XKR4: variants seen among roughly 807,000 people sequenced by gnomAD.
XKR4 encodes the protein XK-related protein 4.
XKR4 carries 12 observed loss-of-function variants against 53.9 expected under a neutral mutation model. That is an observed-to-expected ratio of 0.22 (90% confidence interval 0.14 to 0.36). XKR4 has a LOEUF of 0.36. XKR4 is among the 10% of genes least tolerant of loss of function. XKR4 has a pLI of 1.00. For missense variants in XKR4, 799 were observed against 859.5 expected (o/e 0.93, Z 0.88); for synonymous variants, 354 against 362.4 (o/e 0.98, Z 0.26).
At chr8:55,257,508 C>G (rs1818456381) in intron 1 of XKR4, among the ~76,000 whole-genome samples, 1 of 151,890 alleles carries the variant, frequency 6.6e-6, no homozygotes, top group Non-Finnish European at 1.5e-5. Context: ...AAAAAGAGTT[C>G]CTGCTCCTGG....
At chr8:55,115,115 G>A (rs1816288195) in intron 1 of XKR4, among the ~76,000 whole-genome samples, 1 of 152,106 alleles carries the variant, frequency 6.6e-6, no homozygotes, top group Non-Finnish European at 1.5e-5. Flanking sequence ...CTGCCAAATT[G>A]CCACCAGCAT....
At chr8:55,461,598 A>G (rs778567219) in intron 2 of XKR4, among the ~76,000 whole-genome samples, 3 of 152,262 alleles carry the variant, frequency 2.0e-5, no homozygotes, top group Non-Finnish European at 2.9e-5. Context: ...ACAGCTCCTC[A>G]CCAGCAACGG....
At chr8:55,415,181 C>T (rs992460655) in intron 2 of XKR4, among the ~76,000 whole-genome samples, 2 of 152,166 alleles carry the variant, frequency 1.3e-5, no homozygotes, top group Non-Finnish European at 2.9e-5. Context: ...ATAGGTACTG[C>T]CTTTTCAAAG....
chr8:55,186,114 C>T (rs1268645936), intron 1 of XKR4, among the ~76,000 whole-genome samples: 1 of 152,102 alleles, frequency 6.6e-6, no homozygotes, highest in African/African-American at 2.4e-5. Flanking sequence ...ATTCAGTTTT[C>T]CCACCCTTCT....
chr8:55,451,276 T>C (rs1805437734), intron 2 of XKR4: 5 of 585,426 alleles, frequency 8.5e-6, no homozygotes, highest in Non-Finnish European at 1.5e-5. Context: ...CTGCCCCCAC[T>C]TACCTCGGGG....
At chr8:55,452,367 C>T (rs753462402) in intron 2 of XKR4, 15 of 630,948 alleles carry the variant, frequency 2.4e-5, no homozygotes, top group African/African-American at 5.5e-5. Context: ...TGTGAGCATC[C>T]CCGTGAAGAT....
At chr8:55,220,385 T>G (rs1322180476) in intron 1 of XKR4, among the ~76,000 whole-genome samples, 2 of 152,212 alleles carry the variant, frequency 1.3e-5, no homozygotes, top group African/African-American at 4.8e-5. Context: ...TTTTGGACAC[T>G]AAACATCTTA....
At chr8:55,518,084 C>G (rs1035458531) in intron 2 of XKR4, among the ~76,000 whole-genome samples, 1 of 152,166 alleles carries the variant, frequency 6.6e-6, no homozygotes, top group African/African-American at 2.4e-5. Flanking sequence ...GTGGAAGAAT[C>G]AAAGAATTCG....
intron 1 of XKR4, among the ~76,000 whole-genome samples, chr8:55,186,502 A>T (rs1432867589): frequency 6.6e-6 from 1 of 152,038 alleles, no homozygotes; most frequent in African/African-American, 2.4e-5. Flanking sequence ...AAAAATAAAA[A>T]AAAAATAGCC....
At chr8:55,360,979 C>T (rs977664775) in intron 2 of XKR4, among the ~76,000 whole-genome samples, 2 of 152,176 alleles carry the variant, frequency 1.3e-5, no homozygotes, top group Non-Finnish European at 2.9e-5. Flanking sequence ...GGCATCTGTT[C>T]AGAGAGCAGG....
At chr8:55,161,591 T>G in intron 1 of XKR4, 1 of 456,336 alleles carries the variant, frequency 2.2e-6, no homozygotes, top group Non-Finnish European at 4.4e-6. Flanking sequence ...TGTCTGCATT[T>G]GTTAGATGTG....
rs116143837 is a variant in XKR4 at position 55,237,590 on chromosome 8, C to T, written c.807-120088C>T. 7.1e-3 allele frequency among the ~76,000 whole-genome samples: 1,076 copies of T among 152,236 alleles called. 9 individuals carry two copies. The highest frequency in any genetic ancestry group is 0.058 in the Middle Eastern group (17 of 294). On this transcript the variant is annotated intron_variant, in intron 1 of 2. Coordinates refer to ENST00000327381, the MANE Select transcript of XKR4 (RefSeq NM_052898.2). ...AAATCCACATATAAATTGACCCATGCAGTTCAAGCACATGTTGTTCAAGGA... is the reference window on the plus strand; with the variant it reads ...AAATCCACATATAAATTGACCCATGTAGTTCAAGCACATGTTGTTCAAGGA...
In XKR4 at chr8:55,492,423, T is replaced by C. The variant is rs184765571; in HGVS notation, c.1007-30858T>C. Among the ~76,000 whole-genome samples the C allele has an allele frequency of 4.5e-4, 68 of 152,356 alleles. 1 individual carries two copies. In the East Asian group the frequency reaches 0.012, roughly 27 times the overall value. On this transcript the variant is annotated intron_variant, in intron 2 of 2. Coordinates refer to ENST00000327381, the MANE Select transcript of XKR4 (RefSeq NM_052898.2). ...CCATGATTTTATTTCTCTTAAACAT[T>C]TCTATATTTAATTCTGAATTTTACT... is the stretch of plus-strand genomic sequence containing the variant.
intron 2 of XKR4, among the ~76,000 whole-genome samples, chr8:55,439,547 C>T (rs1221837706): frequency 6.6e-6 from 1 of 152,112 alleles, no homozygotes; most frequent in Non-Finnish European, 1.5e-5. Context: ...GGGACAAATA[C>T]AATTTCTGAA....
chr8:55,222,279 G>A (rs76845548), intron 1 of XKR4, among the ~76,000 whole-genome samples: 5,227 of 152,210 alleles, frequency 0.034, 304 homozygotes, highest in African/African-American at 0.12. Context: ...TAATATTTCT[G>A]CATTCTGCTC....
chr8:55,472,131 G>A (rs140633910), intron 2 of XKR4, among the ~76,000 whole-genome samples: 69 of 152,234 alleles, frequency 4.5e-4, no homozygotes, highest in Non-Finnish European at 9.1e-4. Context: ...TCATGATCCT[G>A]TTCAGTGTCA....
At chr8:55,331,434 T>C (rs1432255441) in intron 1 of XKR4, among the ~76,000 whole-genome samples, 1 of 152,216 alleles carries the variant, frequency 6.6e-6, no homozygotes, top group African/African-American at 2.4e-5. Context: ...CTACCGTTGT[T>C]GGGTGGAGTT....
intron 1 of XKR4, among the ~76,000 whole-genome samples, chr8:55,117,860 A>G (rs1463071700): frequency 1.3e-5 from 2 of 152,178 alleles, no homozygotes; most frequent in Non-Finnish European, 2.9e-5. Flanking sequence ...ACTAATTAAG[A>G]CCAATTATGG....
In XKR4 at chr8:55,358,351, T is replaced by C. The variant is rs372862475; in HGVS notation, c.1006+474T>C. Reference sequence around the variant, plus strand: ...AGAGAGACAATGAGAAAAAGGAGATTAAAAGGAAATGGTACAGATTACCCT... The same window carrying C: ...AGAGAGACAATGAGAAAAAGGAGATCAAAAGGAAATGGTACAGATTACCCT... On this transcript the variant is annotated intron_variant, in intron 2 of 2. Transcript: ENST00000327381. Among the ~76,000 whole-genome samples, 31 of 151,828 alleles carry C rather than the reference T, an allele frequency of 2.0e-4. No homozygotes were observed. The East Asian group carries it at 3.3e-3, about 16-fold the overall frequency.
Sources: allele counts gnomAD v4.1 joint callset (sites outside exome capture counted in the v4.1 genomes callset), GRCh38; gene constraint gnomAD v4.1.1; transcripts MANE v1.5; gene names NCBI Gene and HGNC (gene_info 2026-07-23, HGNC 2026-07-21).